Variants in SAE1 observed in about 807,000 individuals in gnomAD.
The protein encoded by SAE1 is SUMO1 activating enzyme subunit 1.
In SAE1, 11 loss-of-function variants were observed where a neutral mutation model predicts 40.6. That is an observed-to-expected ratio of 0.27 (90% CI 0.17 to 0.45). The LOEUF (loss-of-function observed/expected upper bound fraction) is 0.45, where lower values mean the gene tolerates loss of function less well. SAE1 is among the 20% of genes least tolerant of loss of function. The probability of loss-of-function intolerance (pLI) is 1.00; values close to 1 mark genes in which losing one functional copy is unlikely to be tolerated. For synonymous variants in SAE1, 155 were observed against 154.3 expected (o/e 1.00, Z -0.03); for missense variants, 373 against 427.3 (o/e 0.87, Z 1.12).
intron 1 of SAE1, chr19:47,142,400 AAG>A: frequency 6.6e-6 from 1 of 151,912 alleles, no homozygotes; most frequent in Non-Finnish European, 1.5e-5. Flanking sequence ...AAAAAAAAAA[AAG>A]GTAAAAGCAA....
intron 6 of SAE1, among the ~76,000 whole-genome samples, chr19:47,181,815 T>C (rs1355170461): frequency 7.0e-6 from 1 of 143,864 alleles, no homozygotes; most frequent in Non-Finnish European, 1.5e-5. Flanking sequence ...TTTACAGAAT[T>C]TTTTTTTTTT....
chr19:47,175,301 G>A (rs2058462636), intron 6 of SAE1, among the ~76,000 whole-genome samples: 1 of 151,908 alleles, frequency 6.6e-6, no homozygotes, highest in African/African-American at 2.4e-5. Context: ...TTGAAGTATA[G>A]TTGTTATCCC....
At chr19:47,137,965 G>A (rs867532541) in intron 1 of SAE1, among the ~76,000 whole-genome samples, 2 of 152,108 alleles carry the variant, frequency 1.3e-5, no homozygotes, top group Non-Finnish European at 2.9e-5. Context: ...CTCACTTCAA[G>A]TGATCTGCCC....
At chr19:47,134,843 G>C (rs1170792049) in intron 1 of SAE1, among the ~76,000 whole-genome samples, 1 of 152,138 alleles carries the variant, frequency 6.6e-6, no homozygotes, top group African/African-American at 2.4e-5. Context: ...CATGGAATTT[G>C]TGGGAGGTAG....
At chr19:47,151,068 G>A (rs2058285080) in intron 3 of SAE1, among the ~76,000 whole-genome samples, 1 of 152,026 alleles carries the variant, frequency 6.6e-6, no homozygotes, top group Non-Finnish European at 1.5e-5. Context: ...AATAGTCATA[G>A]ATGAGCTACT....
At chr19:47,192,182 G>A (rs1427641004) in intron 6 of SAE1, among the ~76,000 whole-genome samples, 1 of 152,136 alleles carries the variant, frequency 6.6e-6, no homozygotes, top group African/African-American at 2.4e-5. Context: ...GCACTCATGT[G>A]ATCTTCACGA....
intron 2 of SAE1, among the ~76,000 whole-genome samples, chr19:47,146,516 G>T (rs1240595469): frequency 1.3e-5 from 2 of 152,122 alleles, no homozygotes; most frequent in Non-Finnish European, 2.9e-5. Context: ...GGAGCTTAAG[G>T]AAAGCCAGGA....
At chr19:47,187,492 C>G (rs915378808) in intron 6 of SAE1, among the ~76,000 whole-genome samples, 1 of 152,156 alleles carries the variant, frequency 6.6e-6, no homozygotes, top group Admixed American at 6.6e-5. Context: ...AGTAACAGAC[C>G]AGGTCTGCTT....
chr19:47,163,470 G>A (rs974347366), intron 5 of SAE1, among the ~76,000 whole-genome samples: 1 of 152,120 alleles, frequency 6.6e-6, no homozygotes, highest in African/African-American at 2.4e-5. Flanking sequence ...CCTCACGCCT[G>A]AAATCCCAGC....
At chr19:47,166,361 TC>T (rs2058392319) in intron 5 of SAE1, among the ~76,000 whole-genome samples, 1 of 152,178 alleles carries the variant, frequency 6.6e-6, no homozygotes, top group Non-Finnish European at 1.5e-5. Context: ...ATCCAGGCCT[TC>T]CAGGTGGTTA....
At chr19:47,157,681 CAG>C (rs1178422641) in intron 5 of SAE1, among the ~76,000 whole-genome samples, 2 of 152,202 alleles carry the variant, frequency 1.3e-5, no homozygotes, top group Non-Finnish European at 2.9e-5. Context: ...CCTACAGGCA[CAG>C]AGGTTTTTGT....
At chr19:47,148,504 A>T (rs897009698) in intron 2 of SAE1, among the ~76,000 whole-genome samples, 3 of 151,924 alleles carry the variant, frequency 2.0e-5, no homozygotes, top group African/African-American at 7.2e-5. Context: ...ACTGGTGGCT[A>T]TTAGGGGATT....
intron 1 of SAE1, among the ~76,000 whole-genome samples, chr19:47,140,006 C>T (rs1280080380): frequency 2.0e-5 from 3 of 147,126 alleles, no homozygotes; most frequent in African/African-American, 7.6e-5. Flanking sequence ...GGTGCGGTCT[C>T]GGCTCACTGC....
At chr19:47,185,132 G>A (rs1281961759) in intron 6 of SAE1, among the ~76,000 whole-genome samples, 3 of 151,826 alleles carry the variant, frequency 2.0e-5, no homozygotes, top group African/African-American at 7.3e-5. Context: ...GCCATTATAT[G>A]CTTTTTAAAA....
intron 6 of SAE1, among the ~76,000 whole-genome samples, chr19:47,193,375 T>G (rs2058592054): frequency 6.6e-6 from 1 of 152,084 alleles, no homozygotes; most frequent in Non-Finnish European, 1.5e-5. Flanking sequence ...GTTACAGCTT[T>G]GAGTTGACTG....
At chr19:47,204,840 A>T (rs2058677657) in intron 8 of SAE1, among the ~76,000 whole-genome samples, 1 of 152,058 alleles carries the variant, frequency 6.6e-6, no homozygotes, top group Non-Finnish European at 1.5e-5. Flanking sequence ...TTTGTAGAGA[A>T]ATCAGTTTCT....
chr19:47,195,522 A>C (rs767012340), intron 6 of SAE1, among the ~76,000 whole-genome samples: 17 of 152,086 alleles, frequency 1.1e-4, no homozygotes, highest in Non-Finnish European at 1.8e-4. Context: ...TTTCATAGTA[A>C]AGGAAGTTTT....
chr19:47,164,127 A>G (rs749027748), intron 5 of SAE1, among the ~76,000 whole-genome samples: 2 of 151,926 alleles, frequency 1.3e-5, no homozygotes, highest in Non-Finnish European at 2.9e-5. Context: ...CTCAATAAGC[A>G]TTCCCCAAAT....
intron 1 of SAE1, 27 bp from the exon 2 acceptor site, chr19:47,143,467 A>G (rs1277575564): frequency 6.5e-7 from 1 of 1,547,190 alleles, no homozygotes; most frequent in East Asian, 2.2e-5. Context: ...GTTCTGTATC[A>G]TCAGGTTAAC....
Sources: allele counts gnomAD v4.1 joint callset (sites outside exome capture counted in the v4.1 genomes callset), GRCh38; gene constraint gnomAD v4.1.1; transcripts MANE v1.5; gene names NCBI Gene and HGNC (gene_info 2026-07-23, HGNC 2026-07-21).